The following CRYL1 variants were observed in gnomAD, a reference collection of about 807,000 sequenced individuals.
The protein encoded by CRYL1 is crystallin lambda 1, also known as lambda-crystallin homolog.
CRYL1 carries 29 observed loss-of-function variants against 36.6 expected under a neutral mutation model. That is an observed-to-expected ratio of 0.79 (90% CI 0.59 to 1.08). The LOEUF (loss-of-function observed/expected upper bound fraction) is 1.08. CRYL1 is among the 50% of genes least tolerant of loss of function. The pLI is 0.00. For synonymous variants in CRYL1, 152 were observed against 151.5 expected, an observed-to-expected ratio of 1.00 and a Z score of -0.02; for missense variants, 411 against 407.9, an observed-to-expected ratio of 1.01 and a Z score of -0.06.
At chr13:20,517,938 G>GGA (rs777345209) in intron 1 of CRYL1, among the ~76,000 whole-genome samples, 11 of 116,038 alleles carry the variant, frequency 9.5e-5, no homozygotes, top group South Asian at 2.9e-4. Context: ...TCTGTCTCAA[G>GGA]AAAAAAAAAA....
At chr13:20,423,652 T>C (rs1463524231) in intron 5 of CRYL1, among the ~76,000 whole-genome samples, 2 of 152,010 alleles carry the variant, frequency 1.3e-5, no homozygotes, top group Non-Finnish European at 2.9e-5. Flanking sequence ...TAATGTGCTA[T>C]TGAATCCAGT....
At chr13:20,456,352 A>C (rs2032681678) in intron 3 of CRYL1, among the ~76,000 whole-genome samples, 1 of 151,784 alleles carries the variant, frequency 6.6e-6, no homozygotes, top group African/African-American at 2.4e-5. Context: ...ACAAGCCTGT[A>C]ATCCCAGCTA....
At chr13:20,517,740 A>G (rs991646579) in intron 1 of CRYL1, among the ~76,000 whole-genome samples, 1 of 151,964 alleles carries the variant, frequency 6.6e-6, no homozygotes, top group Non-Finnish European at 1.5e-5. Context: ...ATCGAGACCA[A>G]CCTGGCTAAC....
At chr13:20,498,860 A>G (rs1339576140) in intron 2 of CRYL1, among the ~76,000 whole-genome samples, 1 of 152,190 alleles carries the variant, frequency 6.6e-6, no homozygotes, top group Non-Finnish European at 1.5e-5. Flanking sequence ...CAAATGAATG[A>G]CTGTTTTATA....
intron 1 of CRYL1, among the ~76,000 whole-genome samples, chr13:20,516,019 C>CTA (rs2033991505): frequency 6.6e-6 from 1 of 151,996 alleles, no homozygotes; most frequent in African/African-American, 2.4e-5. Flanking sequence ...TGGGGAAACC[C>CTA]CATCTCTACT....
chr13:20,523,118 T>C (rs2034127469), intron 1 of CRYL1, among the ~76,000 whole-genome samples: 1 of 152,038 alleles, frequency 6.6e-6, no homozygotes. Context: ...GATCTCGCCA[T>C]GTTGGCCAGA....
chr13:20,445,327 G>A (rs545635405), intron 3 of CRYL1, among the ~76,000 whole-genome samples: 1 of 152,120 alleles, frequency 6.6e-6, no homozygotes, highest in Non-Finnish European at 1.5e-5. Flanking sequence ...GAGTGCTGGG[G>A]GAAATGTTGG....
chr13:20,465,145 C>T (rs2032905420), intron 3 of CRYL1, among the ~76,000 whole-genome samples: 1 of 152,212 alleles, frequency 6.6e-6, no homozygotes, highest in Non-Finnish European at 1.5e-5. Context: ...TGGACAATAT[C>T]TCCAGCTTAA....
At chr13:20,448,256 G>A (rs1392421443) in intron 3 of CRYL1, among the ~76,000 whole-genome samples, 1 of 152,250 alleles carries the variant, frequency 6.6e-6, no homozygotes, top group East Asian at 1.9e-4. Context: ...AAAACAAAGA[G>A]CAAGGAGACT....
intron 3 of CRYL1, among the ~76,000 whole-genome samples, chr13:20,474,818 C>T (rs2033132659): frequency 1.3e-5 from 2 of 152,112 alleles, no homozygotes; most frequent in African/African-American, 4.8e-5. Flanking sequence ...GGACTTGCCC[C>T]AGCCTCCTTT....
At chr13:20,449,724 T>C (rs2032528374) in intron 3 of CRYL1, among the ~76,000 whole-genome samples, 2 of 152,172 alleles carry the variant, frequency 1.3e-5, no homozygotes, top group Admixed American at 1.3e-4. Context: ...CTCCTGAAAC[T>C]GATAAATGAC....
intron 3 of CRYL1, among the ~76,000 whole-genome samples, chr13:20,451,049 C>A (rs1291438824): frequency 8.1e-6 from 1 of 123,960 alleles, no homozygotes; most frequent in Admixed American, 1.0e-4. Context: ...CATCACACAC[C>A]GGGCCTGTCG....
intron 2 of CRYL1, among the ~76,000 whole-genome samples, chr13:20,511,583 T>C (rs754020033): frequency 7.9e-5 from 12 of 152,132 alleles, no homozygotes; most frequent in Non-Finnish European, 8.8e-5. Context: ...ATGCAGACAA[T>C]AAAGTAAGCA....
chr13:20,445,801 C>A (rs1212519894), intron 3 of CRYL1, among the ~76,000 whole-genome samples: 1 of 152,154 alleles, frequency 6.6e-6, no homozygotes, highest in Non-Finnish European at 1.5e-5. Context: ...GGAAAGTCAA[C>A]AACTAAATAA....
intron 5 of CRYL1, chr13:20,431,830 G>T: frequency 7.2e-7 from 1 of 1,386,298 alleles, no homozygotes; most frequent in Non-Finnish European, 9.4e-7. Flanking sequence ...TGCTATGAAA[G>T]GGCAGGAAGG....
At chr13:20,417,260 G>A (rs1040383680) in intron 5 of CRYL1, among the ~76,000 whole-genome samples, 1 of 152,202 alleles carries the variant, frequency 6.6e-6, no homozygotes, top group African/African-American at 2.4e-5. Context: ...AAAGCCTTGT[G>A]ACATCTGTGG....
At chr13:20,491,071 A>G (rs753144930) in intron 2 of CRYL1, among the ~76,000 whole-genome samples, 39 of 151,850 alleles carry the variant, frequency 2.6e-4, no homozygotes, top group Non-Finnish European at 3.5e-4. Flanking sequence ...CGCCTGACCA[A>G]TTTTTTGTAT....
intron 5 of CRYL1, chr13:20,430,694 A>G (rs1219069352): frequency 1.0e-6 from 1 of 985,408 alleles, no homozygotes; most frequent in Non-Finnish European, 1.2e-6. Flanking sequence ...CACACCTTTC[A>G]TATTGGAGAA....
rs3737036 is a variant in CRYL1 at position 20,404,525 on chromosome 13, T to C, written c.846+110A>G. On this transcript the variant is annotated intron_variant, in intron 7 of 7. Coordinates refer to ENST00000298248, the MANE Select transcript of CRYL1 (RefSeq NM_015974.3). Reference sequence around the variant, plus strand: ...AATGAGGAACCACCAAGATCAAGGGTAAAGATTCCAGCTGCAGAGGCAGGC... The same window carrying C: ...AATGAGGAACCACCAAGATCAAGGGCAAAGATTCCAGCTGCAGAGGCAGGC... The C allele has an allele frequency of 0.75, 547,401 of 725,922 alleles. 206,826 individuals are homozygous for C. Among genetic ancestry groups the C allele is most frequent in the Admixed American group, 0.86 (36,949 of 43,026 alleles). 45.0% of individuals were successfully genotyped at this position (725,922 alleles called of 1,614,324 possible).
Sources: gnomAD v4.1 joint callset for allele counts (sites outside exome capture counted in the v4.1 genomes callset) on GRCh38, gnomAD v4.1.1 for gene constraint, MANE v1.5 for transcripts, NCBI Gene and HGNC (gene_info 2026-07-23, HGNC 2026-07-21) for gene names.